SEPTIN10: variants seen among roughly 807,000 people sequenced by gnomAD.
The protein encoded by SEPTIN10 is septin 10.
SEPTIN10 carries 66 observed loss-of-function variants against 54.8 expected under a neutral mutation model. The ratio of observed to expected loss-of-function variants is 1.21; its 90% CI spans 0.99 to 1.48. The LOEUF is 1.48. SEPTIN10 is among the 40% of genes most tolerant of loss of function. SEPTIN10 has a pLI of 0.00. For missense variants in SEPTIN10, 620 were observed against 545.6 expected, an observed-to-expected ratio of 1.14 and a Z score of -1.36; for synonymous variants, 161 against 181.0, an observed-to-expected ratio of 0.89 and a Z score of 0.89.
rs540422351 is a variant in SEPTIN10, at chr2:109,564,362, C to T, written c.1028+4G>A. On this transcript the variant is annotated splice_donor_region_variant and intron_variant, in intron 8 of 10. Transcript: ENST00000397712. The stretch of plus-strand genomic sequence containing the variant: ...TGGTTGGCTTCCCAAGAACCCCACC[C>T]TACCTGACTGGCTTGTTTTCTGGGC... 15 of 1,548,178 alleles carry T rather than the reference C, an allele frequency of 9.7e-6. No homozygotes were observed. In the African/African-American group the frequency reaches 2.0e-4, roughly 21 times the overall value.
chr2:109,583,807 T>A (rs6735816), intron 4 of SEPTIN10, among the ~76,000 whole-genome samples: 2,934 of 152,152 alleles, frequency 0.019, 98 homozygotes, highest in African/African-American at 0.068. Flanking sequence ...TACACAGCCA[T>A]AAAAAAGAAC....
chr2:109,588,487 G>A (rs1693120476), intron 2 of SEPTIN10, among the ~76,000 whole-genome samples: 1 of 152,110 alleles, frequency 6.6e-6, no homozygotes, highest in African/African-American at 2.4e-5. Flanking sequence ...TATACATAAA[G>A]TGTTATATAT....
intron 4 of SEPTIN10, among the ~76,000 whole-genome samples, chr2:109,580,796 C>A (rs897734204): frequency 4.5e-4 from 68 of 152,304 alleles, no homozygotes; most frequent in African/African-American, 1.6e-3. Context: ...GAAATAAATG[C>A]CCTCTTTTAT....
chr2:109,591,862 A>C (rs537990136), intron 2 of SEPTIN10, among the ~76,000 whole-genome samples: 1 of 152,086 alleles, frequency 6.6e-6, no homozygotes, highest in Middle Eastern at 3.2e-3. Flanking sequence ...GCACCACTGC[A>C]CTCCAGCCTG....
chr2:109,613,114 T>C (rs1293081504), intron 1 of SEPTIN10: 34 of 1,190,236 alleles, frequency 2.9e-5, no homozygotes, highest in Middle Eastern at 2.2e-4. Context: ...CTCCATACCA[T>C]GTAGCCTTTG....
At chr2:109,606,884 G>A (rs1030471470) in intron 1 of SEPTIN10, among the ~76,000 whole-genome samples, 15 of 151,850 alleles carry the variant, frequency 9.9e-5, no homozygotes, top group African/African-American at 3.4e-4. Context: ...ACTCCTGACC[G>A]GAGGTGACCC....
chr2:109,547,806 A>G (rs1681697178), intron 9 of SEPTIN10, among the ~76,000 whole-genome samples: 1 of 152,224 alleles, frequency 6.6e-6, no homozygotes, highest in Admixed American at 6.5e-5. Context: ...GCACTGAGTA[A>G]GCACTCGATA....
chr2:109,570,035 A>AT (rs1029401142), intron 5 of SEPTIN10, among the ~76,000 whole-genome samples: 3 of 152,156 alleles, frequency 2.0e-5, no homozygotes, highest in Admixed American at 6.5e-5. Flanking sequence ...TACAAAAAAA[A>AT]AACCTGTGTA....
intron 2 of SEPTIN10, among the ~76,000 whole-genome samples, chr2:109,587,391 C>A (rs1407882016): frequency 6.6e-6 from 1 of 151,658 alleles, no homozygotes. Context: ...ATCAAATGAT[C>A]TAACATACCA....
rs538783430 is a variant in SEPTIN10, at chr2:109,602,636, T to C, written c.31-9517A>G. ...GTTGCAGTGAGCCGAGATCGCACCATTGCACTCCAGCCTGGGCAACAAAAG... is the reference window on the plus strand; with the variant it reads ...GTTGCAGTGAGCCGAGATCGCACCACTGCACTCCAGCCTGGGCAACAAAAG... On this transcript the variant is annotated intron_variant, in intron 1 of 10. Transcript: ENST00000397712. 2.1e-3 allele frequency among the ~76,000 whole-genome samples: 308 copies of C among 148,044 alleles called. 1 individual carries two copies. The highest frequency in any genetic ancestry group is 6.3e-3 in the African/African-American group (253 of 39,986).
At chr2:109,555,167 C>T (rs747221973) in intron 8 of SEPTIN10, among the ~76,000 whole-genome samples, 2 of 152,196 alleles carry the variant, frequency 1.3e-5, no homozygotes, top group Non-Finnish European at 2.9e-5. Flanking sequence ...TATCTTTTCT[C>T]ACCACATTAA....
intron 5 of SEPTIN10, among the ~76,000 whole-genome samples, chr2:109,572,197 C>A (rs1289787661): frequency 1.3e-5 from 2 of 152,062 alleles, no homozygotes; most frequent in African/African-American, 2.4e-5. Flanking sequence ...GTGGTGTGAT[C>A]TTGGCTCACT....
intron 8 of SEPTIN10, 152 bp from the exon 9 acceptor site, chr2:109,553,371 CCT>C (rs1683520193): frequency 1.5e-6 from 1 of 659,724 alleles, no homozygotes; most frequent in Admixed American, 3.1e-5. Context: ...ATAGTGAAAC[CCT>C]GTCTCTACAA....
At chr2:109,566,863 A>C (rs968541404) in intron 6 of SEPTIN10, among the ~76,000 whole-genome samples, 2 of 152,188 alleles carry the variant, frequency 1.3e-5, no homozygotes, top group Non-Finnish European at 2.9e-5. Context: ...CTAATGTAAA[A>C]ATTATTAATT....
intron 10 of SEPTIN10, chr2:109,545,382 T>C (rs929264261): frequency 3.9e-6 from 6 of 1,522,208 alleles, no homozygotes; most frequent in South Asian, 1.2e-5. Flanking sequence ...TTTTAACACA[T>C]ACCCCAAACC....
intron 1 of SEPTIN10, among the ~76,000 whole-genome samples, chr2:109,596,534 G>A (rs1344179736): frequency 1.3e-5 from 2 of 151,722 alleles, no homozygotes; most frequent in Admixed American, 6.6e-5. Context: ...GGAGAATGGC[G>A]TGAACCCAGG....
At chr2:109,610,598 C>T (rs923398419) in intron 1 of SEPTIN10, among the ~76,000 whole-genome samples, 17 of 152,070 alleles carry the variant, frequency 1.1e-4, no homozygotes, top group Non-Finnish European at 2.4e-4. Context: ...TGCCTGTAAT[C>T]CCAACTACTC....
intron 5 of SEPTIN10, among the ~76,000 whole-genome samples, chr2:109,570,277 G>A (rs1688043632): frequency 6.6e-6 from 1 of 151,944 alleles, no homozygotes. Context: ...GACCTTTACC[G>A]TTACCATAAA....
intron 1 of SEPTIN10, among the ~76,000 whole-genome samples, chr2:109,612,474 G>A (rs1247936730): frequency 6.6e-6 from 1 of 152,082 alleles, no homozygotes; most frequent in Non-Finnish European, 1.5e-5. Context: ...AAGGGTACAG[G>A]GTTCTCACTA....
Sources: gnomAD v4.1 joint callset for allele counts (sites outside exome capture counted in the v4.1 genomes callset) on GRCh38, gnomAD v4.1.1 for gene constraint, MANE v1.5 for transcripts, NCBI Gene and HGNC (gene_info 2026-07-23, HGNC 2026-07-21) for gene names.